STK3: variants seen among roughly 807,000 people sequenced by gnomAD.
STK3 encodes serine/threonine-protein kinase 3.
STK3 carries 41 observed loss-of-function variants against 58.0 expected under a neutral mutation model. That is an observed-to-expected ratio of 0.71 (90% CI 0.55 to 0.92). STK3 has a LOEUF of 0.92. Among genes scored for constraint, STK3 ranks in the 40% least tolerant of loss-of-function variants. STK3 has a pLI of 0.00. For synonymous variants in STK3, 170 were observed against 191.0 expected, an observed-to-expected ratio of 0.89 and a Z score of 0.91; for missense variants, 479 against 602.7, an observed-to-expected ratio of 0.79 and a Z score of 2.15.
At chr8:98,926,485 A>G (rs1372046623) in intron 1 of STK3, among the ~76,000 whole-genome samples, 1 of 152,142 alleles carries the variant, frequency 6.6e-6, no homozygotes, top group Non-Finnish European at 1.5e-5. Context: ...TGATGCCCCC[A>G]TATTAGTGCC....
intron 6 of STK3, among the ~76,000 whole-genome samples, chr8:98,665,813 C>T (rs1183899028): frequency 1.3e-5 from 2 of 151,974 alleles, no homozygotes; most frequent in Non-Finnish European, 2.9e-5. Context: ...ACGCCATTCT[C>T]CTGCCTCAGC....
intron 6 of STK3, among the ~76,000 whole-genome samples, chr8:98,619,160 G>A (rs1426195888): frequency 4.6e-5 from 7 of 150,936 alleles, no homozygotes; most frequent in African/African-American, 9.8e-5. Flanking sequence ...AAGTAACGCC[G>A]CATACCTACA....
chr8:98,686,971 A>G (rs1027625576), intron 6 of STK3, among the ~76,000 whole-genome samples: 2 of 152,204 alleles, frequency 1.3e-5, no homozygotes, highest in Non-Finnish European at 2.9e-5. Context: ...TTCCTGAGAG[A>G]GAAGAGAAAG....
intron 1 of STK3, among the ~76,000 whole-genome samples, chr8:98,895,830 G>C (rs1277368091): frequency 6.6e-6 from 1 of 152,076 alleles, no homozygotes; most frequent in Non-Finnish European, 1.5e-5. Flanking sequence ...TGAGGTCAAG[G>C]CTTCTACTTG....
At chr8:98,825,320 G>A (rs562641896) in intron 1 of STK3, among the ~76,000 whole-genome samples, 195 bp downstream of exon 1, 5 of 152,184 alleles carry the variant, frequency 3.3e-5, no homozygotes, top group South Asian at 4.1e-4. Context: ...GGGAGGCTCC[G>A]GCTCCCGCTC....
At chr8:98,507,443 C>T (rs932315965) in intron 10 of STK3, among the ~76,000 whole-genome samples, 3 of 152,172 alleles carry the variant, frequency 2.0e-5, no homozygotes, top group African/African-American at 7.2e-5. Flanking sequence ...AGGAACCTGA[C>T]CAGTTCTTAC....
Position 98,897,343 on chromosome 8 carries a change from G to T in STK3, c.-78-13509C>A, listed in dbSNP as rs113703136. ...GAGGTGGAGGCGGGCGGATCACGAG[G>T]TCAGGAGATCAAGACCATCCTGGTT... is the stretch of plus-strand genomic sequence containing the variant. On this transcript the variant is annotated intron_variant, in intron 1 of 1. Transcript: ENST00000519420. Among the ~76,000 whole-genome samples the T allele has an allele frequency of 1.7e-3, 253 of 152,270 alleles. 1 individual carries two copies. Among genetic ancestry groups the T allele is most frequent in the African/African-American group, 5.8e-3 (239 of 41,536 alleles).
At chr8:98,755,864 G>A (rs1327445619) in intron 3 of STK3, among the ~76,000 whole-genome samples, 2 of 152,092 alleles carry the variant, frequency 1.3e-5, no homozygotes, top group African/African-American at 2.4e-5. Flanking sequence ...GAAGCAGGCC[G>A]GGCACGGTGG....
chr8:98,900,360 C>T (rs575858677), intron 1 of STK3, among the ~76,000 whole-genome samples: 8 of 152,232 alleles, frequency 5.3e-5, no homozygotes, highest in East Asian at 1.9e-4. Context: ...AGATTACAGG[C>T]GTGAGCCACC....
At chr8:98,517,001 TA>T (rs1824976955) in intron 10 of STK3, among the ~76,000 whole-genome samples, 1 of 152,056 alleles carries the variant, frequency 6.6e-6, no homozygotes, top group African/African-American at 2.4e-5. Context: ...GATGCCTTAA[TA>T]ATTAATAATA....
chr8:98,504,023 G>A (rs1175054424), intron 10 of STK3, among the ~76,000 whole-genome samples: 2 of 152,180 alleles, frequency 1.3e-5, no homozygotes, highest in African/African-American at 2.4e-5. Context: ...GGGAGTCTAA[G>A]TCTCTTTGTA....
chr8:98,747,649 T>C (rs1829726481), intron 4 of STK3, among the ~76,000 whole-genome samples: 1 of 152,186 alleles, frequency 6.6e-6, no homozygotes, highest in Non-Finnish European at 1.5e-5. Flanking sequence ...AAGAAAAATG[T>C]CCTTGCACTA....
At chr8:98,769,292 C>G (rs1831142950) in intron 2 of STK3, among the ~76,000 whole-genome samples, 1 of 152,160 alleles carries the variant, frequency 6.6e-6, no homozygotes, top group Non-Finnish European at 1.5e-5. Context: ...ATAATTCCCA[C>G]CTGTTGTGGT....
At chr8:98,777,910 T>C (rs528229479) in intron 1 of STK3, among the ~76,000 whole-genome samples, 103 of 152,180 alleles carry the variant, frequency 6.8e-4, no homozygotes, top group Non-Finnish European at 1.3e-3. Flanking sequence ...ATGTTAGACC[T>C]AAAACCAGAA....
At chr8:98,444,273 G>A (rs1334155763) in intron 1 of STK3, among the ~76,000 whole-genome samples, 1 of 152,170 alleles carries the variant, frequency 6.6e-6, no homozygotes, top group African/African-American at 2.4e-5. Flanking sequence ...AGGAGGGTGG[G>A]CAGGAGCTAG....
intron 6 of STK3, among the ~76,000 whole-genome samples, chr8:98,672,771 T>C (rs571378985): frequency 3.2e-4 from 49 of 152,320 alleles, no homozygotes; most frequent in African/African-American, 1.2e-3. Flanking sequence ...AAAAGTTAGG[T>C]GGCTATACAG....
chr8:98,540,865 C>T (rs1474821083), intron 9 of STK3, among the ~76,000 whole-genome samples: 1 of 152,116 alleles, frequency 6.6e-6, no homozygotes, highest in Non-Finnish European at 1.5e-5. Context: ...TCTTACAAGC[C>T]CTGTCATAGA....
chr8:98,795,861 CA>C (rs1253986287), intron 1 of STK3, among the ~76,000 whole-genome samples: 2 of 148,218 alleles, frequency 1.3e-5, no homozygotes, highest in East Asian at 2.0e-4. Flanking sequence ...CAATACAATA[CA>C]ATACCTAGGA....
intron 2 of STK3, among the ~76,000 whole-genome samples, chr8:98,774,249 C>T (rs1021409687): frequency 1.3e-5 from 2 of 152,172 alleles, no homozygotes; most frequent in African/African-American, 4.8e-5. Flanking sequence ...TTTCTCTCTG[C>T]TCAAACCGGC....
Sources: gnomAD v4.1 joint callset for allele counts (sites outside exome capture counted in the v4.1 genomes callset) on GRCh38, gnomAD v4.1.1 for gene constraint, MANE v1.5 for transcripts, NCBI Gene and HGNC (gene_info 2026-07-23, HGNC 2026-07-21) for gene names.